Variants in DNAH7 observed in about 807,000 individuals in gnomAD.
The protein encoded by DNAH7 is dynein axonemal heavy chain 7, also known as axonemal beta dynein heavy chain 7.
Under a neutral mutation model 444.6 loss-of-function variants are expected in DNAH7, and 397 were observed. The ratio of observed to expected loss-of-function variants is 0.89; its 90% CI spans 0.82 to 0.97. DNAH7 has a LOEUF of 0.97. Ranked by LOEUF, DNAH7 falls within the 50% of genes least tolerant of loss-of-function variation. The pLI is 0.00. For synonymous variants in DNAH7, 1,636 were observed against 1,624.4 expected, an observed-to-expected ratio of 1.01 and a Z score of -0.17; for missense variants, 4,902 against 4,800.8, an observed-to-expected ratio of 1.02 and a Z score of -0.62.
intron 61 of DNAH7, among the ~76,000 whole-genome samples, chr2:195,759,884 C>T (rs1225992563): frequency 6.6e-6 from 1 of 152,040 alleles, no homozygotes; most frequent in Non-Finnish European, 1.5e-5. Context: ...ACTATGTTGA[C>T]CATGCTGCTC....
At chr2:196,066,963 A>T (rs958670719) in intron 1 of DNAH7, among the ~76,000 whole-genome samples, 7 of 152,234 alleles carry the variant, frequency 4.6e-5, no homozygotes, top group African/African-American at 1.7e-4. Flanking sequence ...TTACAAATCA[A>T]CCAAAACAGT....
chr2:195,817,288 T>C (rs536108284), intron 50 of DNAH7, among the ~76,000 whole-genome samples: 4 of 152,204 alleles, frequency 2.6e-5, no homozygotes, highest in Non-Finnish European at 5.9e-5. Flanking sequence ...AAATGTTACA[T>C]GACTTATACA....
chr2:195,886,154 T>TA lies in DNAH7; in HGVS notation c.5524dup (p.Tyr1842LeufsTer5). On this transcript the variant is annotated frameshift_variant, in exon 34 of 65. Transcript: ENST00000312428. LOFTEE classifies it high-confidence loss of function. ...AACGGACCTTACCTCAAGCAAAGAGTAAGTTTCTCGATCATTTCTCTCCTT... is the reference window on the plus strand; with the variant it reads ...AACGGACCTTACCTCAAGCAAAGAGTAAAGTTTCTCGATCATTTCTCTCCTT... 1.2e-6 allele frequency: 2 copies of TA among 1,613,130 alleles called. No individual in the cohort carries two copies. The highest frequency in any genetic ancestry group is 1.7e-6 in the Non-Finnish European group (2 of 1,179,600).
intron 25 of DNAH7, among the ~76,000 whole-genome samples, chr2:195,909,704 A>G (rs530018044): frequency 2.6e-5 from 4 of 152,340 alleles, no homozygotes; most frequent in South Asian, 4.1e-4. Context: ...TGTAGGTTAA[A>G]GATGTCTTTA....
chr2:195,876,445 C>A (rs570553672), intron 37 of DNAH7, 99 bp downstream of exon 37: 3 of 1,226,402 alleles, frequency 2.4e-6, no homozygotes, highest in Middle Eastern at 2.0e-4. Context: ...CATTAAAAAA[C>A]TATACAAAAA....
intron 24 of DNAH7, among the ~76,000 whole-genome samples, chr2:195,921,352 TACAC>T (rs140152411): frequency 0.05 from 7,056 of 140,388 alleles, 181 homozygotes; most frequent in Non-Finnish European, 0.056. Flanking sequence ...AAATGTGGTG[TACAC>T]ACACACACAC....
intron 24 of DNAH7, among the ~76,000 whole-genome samples, chr2:195,914,357 G>A (rs192202310): frequency 6.6e-6 from 1 of 152,206 alleles, no homozygotes; most frequent in Non-Finnish European, 1.5e-5. Context: ...AATGTTAACT[G>A]TAAAGGGATT....
intron 27 of DNAH7, chr2:195,902,949 A>G (rs1221025053): frequency 6.6e-6 from 1 of 152,172 alleles, no homozygotes; most frequent in African/African-American, 2.4e-5. Context: ...TTTGAAGATA[A>G]TTTAGTGCTT....
At chr2:195,857,798 A>G (rs1459981378) in intron 43 of DNAH7, 75 bp from the exon 44 acceptor site, 2 of 1,271,104 alleles carry the variant, frequency 1.6e-6, no homozygotes, top group Non-Finnish European at 2.1e-6. Flanking sequence ...CCTATTTTCA[A>G]ACTAAGCATA....
chr2:196,068,760 C>T lies in DNAH7; in HGVS notation c.-49G>A, dbSNP rs1305895084. Reference sequence around the variant, plus strand: ...ACCGGTGCTTCTGGGTTGCTCCTGCCCGCGGAACCCCTAGGACGATAGAGG... The same window carrying T: ...ACCGGTGCTTCTGGGTTGCTCCTGCTCGCGGAACCCCTAGGACGATAGAGG... On this transcript the variant is annotated 5_prime_UTR_variant, in exon 1 of 65. Coordinates refer to ENST00000312428, the MANE Select transcript of DNAH7 (RefSeq NM_018897.3). 1.5e-5 allele frequency: 23 copies of T among 1,548,564 alleles called. No individual in the cohort carries two copies. Among genetic ancestry groups the T allele is most frequent in the Non-Finnish European group, 1.9e-5 (22 of 1,146,270 alleles).
At chr2:195,905,581 G>A (rs933906720) in intron 27 of DNAH7, 8 of 152,208 alleles carry the variant, frequency 5.3e-5, no homozygotes, top group African/African-American at 1.9e-4. Context: ...AGGAGATTTG[G>A]TTTTGGATCC....
chr2:195,882,037 T>TA, intron 35 of DNAH7, 45 bp from the exon 36 acceptor site: 1 of 1,505,990 alleles, frequency 6.6e-7, no homozygotes, highest in Non-Finnish European at 9.1e-7. Flanking sequence ...TAAAATACTT[T>TA]AAAAAGCTCT....
Position 195,872,346 on chromosome 2 carries a change from G to T in DNAH7, c.6537C>A (p.Asn2179Lys), listed in dbSNP as rs1253033173. 1.2e-6 allele frequency: 2 copies of T among 1,613,908 alleles called. No individual in the cohort carries two copies. ...GAATGACACGGGAGAAATCACGGAGGTTGAACAAGTAGTGAGATTTAGCTG... is the reference window on the plus strand; with the variant it reads ...GAATGACACGGGAGAAATCACGGAGTTTGAACAAGTAGTGAGATTTAGCTG... Reference protein sequence around the residue: ...PTPAKSHYLFNLRDFSRVIQG... With the variant: ...PTPAKSHYLFKLRDFSRVIQG... The change falls in exon 40 of 65, where the codon AAC becomes AAA. Residue 2179 changes from asparagine to lysine, a missense_variant. Transcript: ENST00000312428.
At chr2:196,053,537 G>C (rs569255718) in intron 2 of DNAH7, among the ~76,000 whole-genome samples, 62 of 152,284 alleles carry the variant, frequency 4.1e-4, no homozygotes, top group African/African-American at 1.4e-3. Flanking sequence ...ATGAGAAGCA[G>C]GGGACTAGAG....
intron 15 of DNAH7, among the ~76,000 whole-genome samples, chr2:195,979,626 G>T (rs938171244): frequency 6.6e-6 from 1 of 151,816 alleles, no homozygotes; most frequent in Non-Finnish European, 1.5e-5. Flanking sequence ...CATCAGAGCA[G>T]AAATAAATGA....
chr2:195,988,239 G>T lies in DNAH7; in HGVS notation c.1354-10C>A. The T allele has an allele frequency of 6.3e-7, 1 of 1,578,240 alleles. No homozygotes were observed. The highest frequency in any genetic ancestry group is 8.6e-7 in the Non-Finnish European group (1 of 1,167,426). On this transcript the variant is annotated splice_polypyrimidine_tract_variant and intron_variant, in intron 12 of 64. Transcript: ENST00000312428. ...GTTTAGACTTACTTTCCTAAACAAG[G>T]GGGTAAAAATAATAGTATTTAAAAT...
intron 19 of DNAH7, among the ~76,000 whole-genome samples, chr2:195,951,789 A>T (rs1452149709): frequency 6.6e-6 from 1 of 151,540 alleles, no homozygotes; most frequent in African/African-American, 2.4e-5. Flanking sequence ...CTTGGTAAAT[A>T]TTCCTCCATC....
At position 195,984,165 on chromosome 2, in the gene DNAH7, G is replaced by A. The variant is rs1289080500; in HGVS notation, c.1833+467C>T. ...CAGATGAGCCTGCTGGGGCTTGAGGGACAAGTGGAGCCAAGTCAACCTGCT... is the reference window on the plus strand; with the variant it reads ...CAGATGAGCCTGCTGGGGCTTGAGGAACAAGTGGAGCCAAGTCAACCTGCT... On this transcript the variant is annotated intron_variant, in intron 15 of 64. Coordinates refer to ENST00000312428, the MANE Select transcript of DNAH7 (RefSeq NM_018897.3). Among the ~76,000 whole-genome samples the A allele has an allele frequency of 2.0e-5, 3 of 152,088 alleles. No individual in the cohort carries two copies. The South Asian group carries it at 6.2e-4, about 32-fold the overall frequency.
chr2:195,744,720 C>A (rs201463209), intron 63 of DNAH7, among the ~76,000 whole-genome samples: 7 of 152,348 alleles, frequency 4.6e-5, no homozygotes, highest in East Asian at 1.9e-4. Flanking sequence ...TCTGCAGCCA[C>A]CGCTGCTGTT....
Sources: allele counts gnomAD v4.1 joint callset (sites outside exome capture counted in the v4.1 genomes callset), GRCh38; gene constraint gnomAD v4.1.1; transcripts MANE v1.5; gene names NCBI Gene and HGNC (gene_info 2026-07-23, HGNC 2026-07-21).